Variants in FUZ observed in about 807,000 individuals in gnomAD.
The protein encoded by FUZ is protein fuzzy homolog.
In FUZ, 31 loss-of-function variants were observed where a neutral mutation model predicts 43.1. The ratio of observed to expected loss-of-function variants is 0.72; its 90% CI spans 0.54 to 0.97. FUZ has a LOEUF of 0.97. Among genes scored for constraint, FUZ ranks in the 50% least tolerant of loss-of-function variants. The pLI, the probability that FUZ is intolerant of heterozygous loss-of-function variation, is 0.00. For missense variants in FUZ, 539 were observed against 543.8 expected (o/e 0.99, Z 0.09); for synonymous variants, 274 against 250.0 (o/e 1.10, Z -0.91).
intron 2 of FUZ, 108 bp downstream of exon 2, chr19:49,812,507 A>C: frequency 1.3e-6 from 2 of 1,514,374 alleles, no homozygotes; most frequent in African/African-American, 2.7e-5. Context: ...TAAAGATCCC[A>C]TAGCCAAATT....
At chr19:49,808,190 A>G in intron 10 of FUZ, 1 of 615,494 alleles carries the variant, frequency 1.6e-6, no homozygotes. Context: ...AGTGTTAACT[A>G]TTGTTGACTA....
intron 1 of FUZ, 60 bp from the exon 2 acceptor site, chr19:49,812,796 C>G: frequency 1.3e-6 from 2 of 1,596,936 alleles, no homozygotes; most frequent in Non-Finnish European, 1.7e-6. Flanking sequence ...CCCCTTAGGA[C>G]CCAAGTGTGC....
chr19:49,811,316 C>T, intron 5 of FUZ, 47 bp downstream of exon 5: 1 of 1,347,904 alleles, frequency 7.4e-7, no homozygotes. Context: ...AGGACTGAGC[C>T]AGGGCCAGCA....
Position 49,807,349 on chromosome 19 carries a change from TTC to T in FUZ, c.1057_1058del (p.Glu353ArgfsTer2). ...GCAGCTGGGCCTGGTAGACCTCATC[TTC>T]TGTCTTCTCTGGTGGCCCTGGCTCT... ...PPEPGPPEKT[E>X]DEVYQAQLPR... is the part of the protein sequence containing the mutation. On this transcript the variant is annotated frameshift_variant, in exon 11 of 11. Coordinates refer to ENST00000313777, the MANE Select transcript of FUZ (RefSeq NM_025129.5). LOFTEE classifies it low-confidence loss of function (END_TRUNC). 1.2e-6 allele frequency: 2 copies of T among 1,613,364 alleles called. No homozygotes were observed. The highest frequency in any genetic ancestry group is 1.1e-5 in the South Asian group (1 of 91,028).
At position 49,809,241 on chromosome 19, in the gene FUZ, C is replaced by T. The variant is rs2073623559; in HGVS notation, c.708G>A (p.Leu236=). 6.4e-7 allele frequency: 1 copy of T among 1,550,870 alleles called. No homozygotes were observed. Among genetic ancestry groups the T allele is most frequent in the Admixed American group, 2.0e-5 (1 of 50,984 alleles). The change falls in exon 7 of 11, where the codon CTG becomes CTA. Residue 236 remains leucine, a synonymous_variant. Coordinates refer to ENST00000313777, the MANE Select transcript of FUZ (RefSeq NM_025129.5). This position sits in a 1 kb window ranked among gnomAD's most constrained non-coding sequence, Gnocchi z 5.1. ...HGSPTVPHRL[L]TLTLLPSLEL... ...CCAGGCTCGGCAGCAGAGTCAGGGT[C>T]AGGAGCCGGTGTGGGACCTGAAGCA... is the stretch of plus-strand genomic sequence containing the variant.
Position 49,813,007 on chromosome 19 carries a change from CG to C in FUZ, c.99del (p.Ala34ProfsTer27). 1 of 1,550,760 alleles carries C rather than the reference CG, an allele frequency of 6.4e-7. No homozygotes were observed. ...GTCCAAGGCCCCACCTGCTGACGGGCGGGGGCGCCGCCGCGACTGCTCCTGC... is the reference window on the plus strand; with the variant it reads ...GTCCAAGGCCCCACCTGCTGACGGGCGGGGCGCCGCCGCGACTGCTCCTGC... ...LFCRSSRGGA[P>X]ARQQLPFSVI... On this transcript the variant is annotated frameshift_variant, in exon 1 of 11. Coordinates refer to ENST00000313777, the MANE Select transcript of FUZ (RefSeq NM_025129.5). LOFTEE classifies it high-confidence loss of function.
rs116006228 is a variant in FUZ at position 49,813,211 on chromosome 19, C to T, written c.-105G>A. ...CCTGTGGTCCGGAGCCGCCAGAGGGCGAGATGGGGAGCTGATTGGAAGAGG... is the reference window on the plus strand; with the variant it reads ...CCTGTGGTCCGGAGCCGCCAGAGGGTGAGATGGGGAGCTGATTGGAAGAGG... On this transcript the variant is annotated 5_prime_UTR_variant, in exon 1 of 11. Transcript: ENST00000313777. The T allele has an allele frequency of 1.3e-3, 1,286 of 1,001,034 alleles. 14 individuals are homozygous for T. The African/African-American group carries it at 0.019, about 15-fold the overall frequency. The allele number at this position is 1,001,034 out of a possible 1,614,324, so 62.0% of individuals were successfully genotyped here.
chr19:49,812,023 G>A (rs879548697), intron 3 of FUZ, among the ~76,000 whole-genome samples: 11 of 152,166 alleles, frequency 7.2e-5, no homozygotes, highest in South Asian at 2.1e-4. Flanking sequence ...CACGAGAATC[G>A]CTTGAACCTG....
rs1426020698 is a variant in FUZ at position 49,809,433 on chromosome 19, A to C, written c.635T>G (p.Leu212Arg). The change falls in exon 6 of 11, where the codon CTG becomes CGG. Residue 212 changes from leucine (L) to arginine (R), a missense_variant. Transcript: ENST00000313777. The surrounding 1 kb of genome is among the most constrained non-coding windows in gnomAD (Gnocchi z 5.1). ...GTAGTCGCGAGCGGTCTGCGGCGGC[A>C]GGGACCCCACCAGCCAGGGGAGCAG... ...AVLLPWLVGS[L>R]PPQTARDYPV... The C allele has an allele frequency of 6.5e-7, 1 of 1,545,046 alleles. No individual in the cohort carries two copies. The highest frequency in any genetic ancestry group is 8.7e-7 in the Non-Finnish European group (1 of 1,148,218).
chr19:49,808,832 G>A lies in FUZ; in HGVS notation c.787-9C>T, dbSNP rs1334109633. On this transcript the variant is annotated splice_polypyrimidine_tract_variant and intron_variant, in intron 7 of 10. Transcript: ENST00000313777. ...CACCAGCGCTCCAGAAGCTGCAGGGGGCGTGGTCATTGTGAGGTCGTCATG... is the reference window on the plus strand; with the variant it reads ...CACCAGCGCTCCAGAAGCTGCAGGGAGCGTGGTCATTGTGAGGTCGTCATG... 6 of 1,544,434 alleles carry A rather than the reference G, an allele frequency of 3.9e-6. No individual in the cohort carries two copies. The highest frequency in any genetic ancestry group is 5.2e-6 in the Non-Finnish European group (6 of 1,146,876).
At position 49,813,102 on chromosome 19, in the gene FUZ, C is replaced by G; in HGVS notation, c.5G>C (p.Gly2Ala). ...CACAGTGCCGCCCGTCCCCTCCTCC[C>G]CCATTTAGGACTCCCACCGCGGTCC... MGEEGTGGTVHL... is the reference protein window; with the variant it reads MAEEGTGGTVHL... Residue 2 changes from glycine to alanine, a missense_variant, in exon 1 of 11, where the codon GGG becomes GCG. Transcript: ENST00000313777. The G allele has an allele frequency of 2.6e-6, 4 of 1,551,174 alleles. No homozygotes were observed. The highest frequency in any genetic ancestry group is 3.5e-6 in the Non-Finnish European group (4 of 1,146,834).
At chr19:49,808,950 C>T in intron 7 of FUZ, 127 bp from the exon 8 acceptor site, 3 of 891,148 alleles carry the variant, frequency 3.4e-6, no homozygotes, top group East Asian at 2.6e-5. Flanking sequence ...GAGTGGAGGG[C>T]GGAGGGCAGA....
Position 49,811,344 on chromosome 19 carries a change from T to G in FUZ, c.492+19A>C. The G allele has an allele frequency of 6.5e-7, 1 of 1,546,030 alleles. No individual in the cohort carries two copies. On this transcript the variant is annotated intron_variant, in intron 5 of 10. Coordinates refer to ENST00000313777, the MANE Select transcript of FUZ (RefSeq NM_025129.5). ...GGCCAGCAGAACAGGTGTAAGAGTT[T>G]CCATAGCATCCCCAGTACCTGCAAG...
upstream of FUZ, chr19:49,813,484 T>C: frequency 2.7e-6 from 1 of 365,014 alleles, no homozygotes; most frequent in Non-Finnish European, 5.3e-6. Flanking sequence ...GCTTTGATGA[T>C]TTACATTCTA....
intron 2 of FUZ, 75 bp from the exon 3 acceptor site, chr19:49,812,410 A>G (rs780121452): frequency 3.7e-5 from 51 of 1,378,628 alleles, no homozygotes; most frequent in Non-Finnish European, 5.3e-5. Flanking sequence ...CCGCCCATTG[A>G]TCCTAGAACA....
In FUZ at chr19:49,807,133, T is replaced by C. The variant is rs370869169; in HGVS notation, c.*18A>G. 8.3e-5 allele frequency: 132 copies of C among 1,592,324 alleles called. No homozygotes were observed. In the African/African-American group the frequency reaches 1.6e-3, roughly 19 times the overall value. ...GCTAACAGCCCCATGTCTGTGTCCA[T>C]CACCCACTGCTAGGTAGTCAAAGAA... On this transcript the variant is annotated 3_prime_UTR_variant, in exon 11 of 11. Coordinates refer to ENST00000313777, the MANE Select transcript of FUZ (RefSeq NM_025129.5).
chr19:49,807,449 C>G, intron 10 of FUZ, 75 bp from the exon 11 acceptor site: 6 of 1,447,442 alleles, frequency 4.1e-6, no homozygotes, highest in Non-Finnish European at 5.7e-6. Flanking sequence ...ATCCTGATCC[C>G]AAGTTCTGAA....
rs539528396 is a variant in FUZ at position 49,810,922 on chromosome 19, G to C, written c.492+441C>G. ...CCCAGCACTGTGGGAGGCCAAGGCA[G>C]GTGGATCACCTGAGGTAAGAAGTTC... On this transcript the variant is annotated intron_variant, in intron 5 of 10. Coordinates refer to ENST00000313777, the MANE Select transcript of FUZ (RefSeq NM_025129.5). 4.5e-5 allele frequency: 15 copies of C among 336,788 alleles called. No homozygotes were observed. In the East Asian group the frequency reaches 1.1e-3, roughly 26 times the overall value. The allele number at this position is 336,788 out of a possible 1,614,324, so 20.9% of individuals were successfully genotyped here.
rs866549848 is a variant in FUZ at position 49,809,848 on chromosome 19, C to T, written c.493-273G>A. On this transcript the variant is annotated intron_variant, in intron 5 of 10. Coordinates refer to ENST00000313777, the MANE Select transcript of FUZ (RefSeq NM_025129.5). The surrounding 1 kb of genome is among the most constrained non-coding windows in gnomAD (Gnocchi z 5.1). ...CTAATAATGTAACCGCAGCAGCTAC[C>T]GTTCATCCAGGCCTGTTACATGCCG... 16 of 549,124 alleles carry T rather than the reference C, an allele frequency of 2.9e-5. No individual in the cohort carries two copies. The highest frequency in any genetic ancestry group is 4.6e-5 in the Non-Finnish European group (14 of 303,266). 34.0% of individuals were successfully genotyped at this position (549,124 alleles called of 1,614,324 possible).
Sources: allele counts gnomAD v4.1 joint callset (sites outside exome capture counted in the v4.1 genomes callset), GRCh38; gene constraint gnomAD v4.1.1; non-coding constraint Gnocchi (gnomAD v3.1); transcripts MANE v1.5; gene names NCBI Gene and HGNC (gene_info 2026-07-23, HGNC 2026-07-21).